Variants in VIPR2 observed in about 807,000 individuals in gnomAD.
VIPR2 encodes vasoactive intestinal peptide receptor 2, also known as vasoactive intestinal polypeptide receptor 2.
VIPR2 carries 48 observed loss-of-function variants against 58.0 expected under a neutral mutation model. The observed-to-expected ratio is 0.83, with a 90% CI of 0.66 to 1.05. The LOEUF (loss-of-function observed/expected upper bound fraction) is 1.05. Among genes scored for constraint, VIPR2 ranks in the 50% least tolerant of loss-of-function variants. The pLI is 0.00. For missense variants in VIPR2, 534 were observed against 558.0 expected (o/e 0.96, Z 0.43); for synonymous variants, 243 against 235.2 (o/e 1.03, Z -0.30).
intron 1 of VIPR2, chr7:159,144,382 C>T (rs755697429): frequency 9.1e-6 from 14 of 1,544,110 alleles, no homozygotes; most frequent in Middle Eastern, 1.7e-4. Flanking sequence ...CGCGCAGGCG[C>T]CCGCAGCTCC....
chr7:159,082,488 G>A (rs1856959907), intron 4 of VIPR2, among the ~76,000 whole-genome samples: 1 of 152,162 alleles, frequency 6.6e-6, no homozygotes. Flanking sequence ...TCGTGGGGGA[G>A]GGATAGCATT....
chr7:159,037,135 G>C (rs540928557), intron 6 of VIPR2, among the ~76,000 whole-genome samples: 1 of 152,210 alleles, frequency 6.6e-6, no homozygotes, highest in South Asian at 2.1e-4. Flanking sequence ...CACTGCAAAC[G>C]CAACTGTGAA....
chr7:159,034,785 C>A (rs1007104014), intron 8 of VIPR2, 135 bp from the exon 9 acceptor site: 3 of 710,734 alleles, frequency 4.2e-6, no homozygotes, highest in African/African-American at 1.7e-5. Context: ...ACTGACAGAT[C>A]GTAAAGGAAT....
chr7:159,138,148 C>T (rs184301535), intron 2 of VIPR2, among the ~76,000 whole-genome samples: 6 of 152,354 alleles, frequency 3.9e-5, no homozygotes, highest in African/African-American at 1.4e-4. Flanking sequence ...TGAGCCGAGA[C>T]CACAGAGCGA....
chr7:159,035,824 G>C (rs1003103647), intron 8 of VIPR2, 128 bp downstream of exon 8: 8 of 1,442,474 alleles, frequency 5.5e-6, no homozygotes, highest in Middle Eastern at 4.2e-4. Flanking sequence ...TGCTTCCTGC[G>C]TGGCTGTCGG....
intron 2 of VIPR2, among the ~76,000 whole-genome samples, chr7:159,129,467 G>T: frequency 1.6e-5 from 1 of 64,060 alleles, no homozygotes; most frequent in Admixed American, 1.4e-4. Flanking sequence ...AGGGCCAGGT[G>T]ACCAGCTTCA....
intron 2 of VIPR2, among the ~76,000 whole-genome samples, chr7:159,114,712 A>G (rs921953936): frequency 6.6e-6 from 1 of 151,902 alleles, no homozygotes; most frequent in African/African-American, 2.4e-5. Context: ...AGGCTGAGGT[A>G]GGAGGATTGC....
At chr7:159,110,003 C>T (rs1795927997) in intron 2 of VIPR2, 84 bp from the exon 3 acceptor site, 11 of 1,285,198 alleles carry the variant, frequency 8.6e-6, no homozygotes, top group East Asian at 4.7e-5. Context: ...ATAACTGCCT[C>T]GCAAACTCCT....
rs766731966 is a variant in VIPR2 at position 159,097,900 on chromosome 7, C to T, written c.357+5857G>A. 6.6e-6 allele frequency among the ~76,000 whole-genome samples: 1 copy of T among 152,162 alleles called. No individual in the cohort carries two copies. Among genetic ancestry groups the T allele is most frequent in the Non-Finnish European group, 1.5e-5 (1 of 68,040 alleles). ...CTGCTGAGGCCAAGGCTTCTGGCCTCTCGTGTAAGGATTCCAGGCTCTGAC... is the reference window on the plus strand; with the variant it reads ...CTGCTGAGGCCAAGGCTTCTGGCCTTTCGTGTAAGGATTCCAGGCTCTGAC... On this transcript the variant is annotated intron_variant, in intron 4 of 12. Coordinates refer to ENST00000262178, the MANE Select transcript of VIPR2 (RefSeq NM_003382.5). The surrounding 1 kb of genome is among the most constrained non-coding windows in gnomAD (Gnocchi z 5.3).
chr7:159,103,821 C>T lies in VIPR2; in HGVS notation c.293G>A (p.Trp98Ter). ...NISKNCTSDG[W>*]SETFPDFVDA... is the part of the protein sequence containing the mutation. Reference sequence around the variant, plus strand: ...GACGAAATCTGGGAACGTCTCTGACCATCCGTCACTCGTACAGTTTTTGCT... The same window carrying T: ...GACGAAATCTGGGAACGTCTCTGACTATCCGTCACTCGTACAGTTTTTGCT... Residue 98 changes from tryptophan (W) to a stop codon, truncating the protein, a stop_gained, in exon 4 of 13, where the codon TGG becomes TAG. Transcript: ENST00000262178. LOFTEE classifies it high-confidence loss of function. 1 of 1,614,164 alleles carries T rather than the reference C, an allele frequency of 6.2e-7. No homozygotes were observed. The highest frequency in any genetic ancestry group is 2.2e-5 in the East Asian group (1 of 44,874).
Position 159,031,963 on chromosome 7 carries a change from A to G in VIPR2, c.1076T>C (p.Phe359Ser). The change falls in exon 11 of 13, where the codon TTT (phenylalanine) becomes TCT (serine). Residue 359 changes from phenylalanine (F) to serine (S), a missense_variant. This residue lies in a region of VIPR2 where 306 missense variants were observed against 285.8 expected (regional missense o/e 1.07). Transcript: ENST00000262178. The surrounding 1 kb of genome is among the most constrained non-coding windows in gnomAD (Gnocchi z 4.0). ...ISISSKYQIL[F>S]ELCLGSFQGL... ...CTGGAACGACCCGAGGCACAGCTCA[A>G]ACAGTATCTGGTATTTGGAGGAGAT... 1 of 1,614,180 alleles carries G rather than the reference A, an allele frequency of 6.2e-7. No individual in the cohort carries two copies. The highest frequency in any genetic ancestry group is 8.5e-7 in the Non-Finnish European group (1 of 1,180,028).
rs1563256023 is a variant in VIPR2 at position 159,034,655 on chromosome 7, CAGAG to C, written c.810-9_810-6del. ...TGGTCGTTTGTATCCCAGCAACTGT[CAGAG>C]AGAGATGGGAAATCAGGTTACCACC... On this transcript the variant is annotated splice_polypyrimidine_tract_variant and splice_region_variant and intron_variant, in intron 8 of 12. Transcript: ENST00000262178. The C allele has an allele frequency of 6.2e-6, 10 of 1,613,280 alleles. No homozygotes were observed. The highest frequency in any genetic ancestry group is 8.5e-6 in the Non-Finnish European group (10 of 1,179,346).
At position 159,085,345 on chromosome 7, in the gene VIPR2, G is replaced by A. The variant is rs560413996; in HGVS notation, c.357+18412C>T. On this transcript the variant is annotated intron_variant, in intron 4 of 12. Coordinates refer to ENST00000262178, the MANE Select transcript of VIPR2 (RefSeq NM_003382.5). ...GAGCCTTGCTCTGTCACCCAGGCTG[G>A]AGTGCAGTGGTGAGATCTCAGTTTA... 2.6e-5 allele frequency among the ~76,000 whole-genome samples: 4 copies of A among 152,320 alleles called. No individual in the cohort carries two copies. The East Asian group carries it at 7.7e-4, about 29-fold the overall frequency.
intron 4 of VIPR2, among the ~76,000 whole-genome samples, chr7:159,067,164 G>C (rs1272382828): frequency 1.3e-5 from 2 of 152,232 alleles, no homozygotes; most frequent in African/African-American, 4.8e-5. Flanking sequence ...AGCGTAGACA[G>C]TTCTGTTGGC....
intron 4 of VIPR2, among the ~76,000 whole-genome samples, chr7:159,085,945 T>A (rs1224301711): frequency 6.6e-6 from 1 of 152,076 alleles, no homozygotes; most frequent in Non-Finnish European, 1.5e-5. Flanking sequence ...CATTAGGCAT[T>A]TGTCCAAACC....
intron 4 of VIPR2, among the ~76,000 whole-genome samples, chr7:159,076,565 T>C (rs1856646648): frequency 1.3e-5 from 2 of 152,242 alleles, no homozygotes; most frequent in South Asian, 4.1e-4. Flanking sequence ...ATGACTGAAA[T>C]TTCTAAATGG....
At chr7:159,140,451 CAA>C (rs1044185021) in intron 2 of VIPR2, among the ~76,000 whole-genome samples, 11 of 152,180 alleles carry the variant, frequency 7.2e-5, no homozygotes, top group East Asian at 1.9e-4. Context: ...TACAGAAAAA[CAA>C]AAGAGTGGCC....
At chr7:159,065,695 G>A (rs1197024515) in intron 4 of VIPR2, among the ~76,000 whole-genome samples, 2 of 152,294 alleles carry the variant, frequency 1.3e-5, no homozygotes, top group East Asian at 3.9e-4. Context: ...ACTTGAGATC[G>A]CACAGGAAAC....
intron 2 of VIPR2, among the ~76,000 whole-genome samples, chr7:159,132,553 C>T (rs1211165409): frequency 1.3e-5 from 2 of 152,276 alleles, no homozygotes; most frequent in East Asian, 1.9e-4. Flanking sequence ...CCATCTGGAA[C>T]TCCAGCTAAT....
Sources: allele counts gnomAD v4.1 joint callset (sites outside exome capture counted in the v4.1 genomes callset), GRCh38; gene constraint gnomAD v4.1.1; regional missense constraint gnomAD v4.1.1; non-coding constraint Gnocchi (gnomAD v3.1); transcripts MANE v1.5; gene names NCBI Gene and HGNC (gene_info 2026-07-23, HGNC 2026-07-21).